The following PTPRD variants were observed in gnomAD, a reference collection of about 807,000 sequenced individuals.
PTPRD encodes receptor-type tyrosine-protein phosphatase delta.
A neutral mutation model predicts 214.5 loss-of-function variants in PTPRD; 34 were observed. The ratio of observed to expected loss-of-function variants is 0.16; its 90% CI spans 0.12 to 0.21. The LOEUF (loss-of-function observed/expected upper bound fraction) is 0.21. Ranked by LOEUF, PTPRD falls within the 10% of genes least tolerant of loss-of-function variation. The pLI is 1.00. For synonymous variants in PTPRD, 1,128 were observed against 845.7 expected (o/e 1.33, Z -5.79); for missense variants, 2,545 against 2,398.7 (o/e 1.06, Z -1.27).
At chr9:10,228,120 G>T (rs2099595312) in intron 3 of PTPRD, among the ~76,000 whole-genome samples, 1 of 150,430 alleles carries the variant, frequency 6.6e-6, no homozygotes, top group Admixed American at 6.8e-5. Flanking sequence ...TAAAAAAAGA[G>T]AGAGAAAATA....
At chr9:10,520,582 T>C (rs1009849817) in intron 2 of PTPRD, among the ~76,000 whole-genome samples, 3 of 152,166 alleles carry the variant, frequency 2.0e-5, no homozygotes, top group Non-Finnish European at 4.4e-5. Flanking sequence ...AGAAACAGAC[T>C]TCTATTGGAA....
At chr9:8,515,987 C>A (rs10124872) in intron 21 of PTPRD, among the ~76,000 whole-genome samples, 53,236 of 151,906 alleles carry the variant, frequency 0.35, 9,503 homozygotes, top group African/African-American at 0.43. Context: ...AAAGCTTGGG[C>A]TTCAAACCCT....
At chr9:10,251,406 T>G (rs991239172) in intron 3 of PTPRD, among the ~76,000 whole-genome samples, 2 of 152,118 alleles carry the variant, frequency 1.3e-5, no homozygotes, top group Admixed American at 6.6e-5. Flanking sequence ...ATTCTTTTTT[T>G]TTTTTAATTT....
Position 9,329,174 on chromosome 9 carries a change from G to C in PTPRD, c.-203+68275C>G, listed in dbSNP as rs547185555. Reference sequence around the variant, plus strand: ...GGTAATGACAACGAGAGTCATCCCAGTTTGACATCACAGAAACAGGATAAT... The same window carrying C: ...GGTAATGACAACGAGAGTCATCCCACTTTGACATCACAGAAACAGGATAAT... On this transcript the variant is annotated intron_variant, in intron 9 of 45. Transcript: ENST00000381196. Among the ~76,000 whole-genome samples the C allele has an allele frequency of 6.6e-5, 10 of 152,118 alleles. No homozygotes were observed. The South Asian group carries it at 1.9e-3, about 28-fold the overall frequency.
intron 10 of PTPRD, among the ~76,000 whole-genome samples, chr9:9,018,955 T>G (rs2154367896): frequency 6.6e-6 from 1 of 152,246 alleles, no homozygotes; most frequent in Middle Eastern, 3.4e-3. Flanking sequence ...CAAAACATGT[T>G]ATGATTGTTC....
intron 3 of PTPRD, among the ~76,000 whole-genome samples, chr9:10,283,496 C>T (rs561408371): frequency 5.3e-5 from 8 of 152,084 alleles, no homozygotes; most frequent in Non-Finnish European, 1.2e-4. Context: ...TTGTTATTTG[C>T]ACTTATTTAG....
At chr9:10,466,978 A>G (rs1330798619) in intron 2 of PTPRD, among the ~76,000 whole-genome samples, 1 of 152,214 alleles carries the variant, frequency 6.6e-6, no homozygotes, top group Non-Finnish European at 1.5e-5. Flanking sequence ...AAACTATGAT[A>G]GCAAATACTA....
At chr9:9,353,071 C>T (rs2052106926) in intron 9 of PTPRD, among the ~76,000 whole-genome samples, 1 of 151,796 alleles carries the variant, frequency 6.6e-6, no homozygotes. Context: ...TGTGGGAGCC[C>T]TCTGGTGGCC....
intron 2 of PTPRD, among the ~76,000 whole-genome samples, chr9:10,595,598 C>T (rs1008725475): frequency 6.6e-6 from 1 of 151,088 alleles, no homozygotes; most frequent in Non-Finnish European, 1.5e-5. Context: ...TATAATTTGC[C>T]TATATTATTT....
chr9:9,683,750 A>C (rs2097117850), intron 7 of PTPRD, among the ~76,000 whole-genome samples: 2 of 151,808 alleles, frequency 1.3e-5, no homozygotes, highest in Admixed American at 6.6e-5. Context: ...ACCTAGTGTT[A>C]TTAAAATAGC....
chr9:9,224,031 A>G (rs1298288301), intron 9 of PTPRD, among the ~76,000 whole-genome samples: 1 of 152,044 alleles, frequency 6.6e-6, no homozygotes, highest in Admixed American at 6.6e-5. Flanking sequence ...TCATCTGATT[A>G]GAAGATCATG....
At chr9:9,305,719 G>A (rs1364113990) in intron 9 of PTPRD, among the ~76,000 whole-genome samples, 1 of 152,054 alleles carries the variant, frequency 6.6e-6, no homozygotes, top group Non-Finnish European at 1.5e-5. Flanking sequence ...GTTTTTATAA[G>A]ATAAATGAGA....
intron 8 of PTPRD, among the ~76,000 whole-genome samples, chr9:9,557,359 C>T (rs1032303734): frequency 2.0e-5 from 3 of 152,168 alleles, no homozygotes; most frequent in African/African-American, 4.8e-5. Context: ...AATAAGATAC[C>T]GAACTCCAAC....
Position 10,185,346 on chromosome 9 carries a change from C to T in PTPRD, c.-544-151556G>A, listed in dbSNP as rs534571448. Among the ~76,000 whole-genome samples the T allele has an allele frequency of 2.6e-4, 39 of 152,254 alleles. 1 individual carries two copies. The highest frequency in any genetic ancestry group is 7.9e-4 in the African/African-American group (33 of 41,556). ...TAATTTCGATGATACTTTCCAATTT[C>T]GAATGATGCATAAACTTCCATTACA... On this transcript the variant is annotated intron_variant, in intron 3 of 45. Transcript: ENST00000381196.
At chr9:9,555,252 TA>T (rs2081243248) in intron 8 of PTPRD, among the ~76,000 whole-genome samples, 1 of 152,066 alleles carries the variant, frequency 6.6e-6, no homozygotes. Flanking sequence ...TAAAATATCT[TA>T]TTAGGGCAGA....
intron 5 of PTPRD, among the ~76,000 whole-genome samples, chr9:9,895,677 A>G (rs1458937371): frequency 6.6e-6 from 1 of 152,038 alleles, no homozygotes; most frequent in East Asian, 1.9e-4. Context: ...ATTATACTAC[A>G]TGGCAACTAT....
At chr9:8,385,232 A>G (rs76390375) in intron 37 of PTPRD, among the ~76,000 whole-genome samples, 5,178 of 152,286 alleles carry the variant, frequency 0.034, 123 homozygotes, top group Middle Eastern at 0.11. Context: ...GCGACAGCTT[A>G]AGAGTGAGCC....
At chr9:8,714,988 C>G (rs1349629540) in intron 12 of PTPRD, among the ~76,000 whole-genome samples, 1 of 151,338 alleles carries the variant, frequency 6.6e-6, no homozygotes, top group Non-Finnish European at 1.5e-5. Context: ...ATCTCAAAAG[C>G]CTAGAATAAA....
chr9:9,859,379 G>C (rs1411010644), intron 5 of PTPRD, among the ~76,000 whole-genome samples: 1 of 152,182 alleles, frequency 6.6e-6, no homozygotes, highest in Non-Finnish European at 1.5e-5. Flanking sequence ...TTCTAAAGTT[G>C]AGTCTGAGCC....
Sources: gnomAD v4.1 joint callset for allele counts (sites outside exome capture counted in the v4.1 genomes callset) on GRCh38, gnomAD v4.1.1 for gene constraint, MANE v1.5 for transcripts, NCBI Gene and HGNC (gene_info 2026-07-23, HGNC 2026-07-21) for gene names.